Variants in SYCP2 observed in about 807,000 individuals in gnomAD.
The protein encoded by SYCP2 is synaptonemal complex lateral element protein.
SYCP2 carries 55 observed loss-of-function variants against 211.3 expected under a neutral mutation model. The observed-to-expected ratio is 0.26, with a 90% CI of 0.21 to 0.33. SYCP2 has a LOEUF of 0.33. Ranked by LOEUF, SYCP2 falls within the 10% of genes least tolerant of loss-of-function variation. The probability of loss-of-function intolerance (pLI) is 1.00; values close to 1 mark genes in which losing one functional copy is unlikely to be tolerated. For synonymous variants in SYCP2, 570 were observed against 555.2 expected (o/e 1.03, Z -0.37); for missense variants, 1,731 against 1,752.0 (o/e 0.99, Z 0.21).
At chr20:59,928,280 A>C (rs1362553267) in intron 2 of SYCP2, among the ~76,000 whole-genome samples, 1 of 152,188 alleles carries the variant, frequency 6.6e-6, no homozygotes, top group African/African-American at 2.4e-5. Context: ...TTTAATATAA[A>C]TAACTAAAAT....
intron 26 of SYCP2, among the ~76,000 whole-genome samples, chr20:59,884,495 TAGTA>T (rs781077244): frequency 2.3e-3 from 348 of 152,198 alleles, no homozygotes; most frequent in Admixed American, 3.7e-3. Context: ...CAGAAATAAT[TAGTA>T]AGTTAGAAAT....
chr20:59,921,532 C>G, intron 3 of SYCP2, 79 bp from the exon 4 acceptor site: 3 of 1,037,964 alleles, frequency 2.9e-6, no homozygotes, highest in Admixed American at 3.7e-5. Context: ...ATTTGAGAAC[C>G]GTTTTCACAT....
intron 2 of SYCP2, among the ~76,000 whole-genome samples, chr20:59,923,079 G>C (rs752963424): frequency 1.3e-5 from 2 of 151,886 alleles, no homozygotes; most frequent in Non-Finnish European, 2.9e-5. Context: ...ACAAATAACT[G>C]CCACAAATTA....
intron 15 of SYCP2, among the ~76,000 whole-genome samples, chr20:59,902,662 G>A (rs1300102989): frequency 6.6e-6 from 1 of 152,114 alleles, no homozygotes; most frequent in Non-Finnish European, 1.5e-5. Flanking sequence ...GCTATGAAAT[G>A]TCCTGATTCT....
intron 2 of SYCP2, among the ~76,000 whole-genome samples, chr20:59,926,165 T>G (rs1213740176): frequency 1.3e-5 from 2 of 152,082 alleles, no homozygotes; most frequent in Non-Finnish European, 2.9e-5. Flanking sequence ...GATGGAATTG[T>G]GCCAACTGCC....
At chr20:59,871,248 G>C (rs2059445817) in intron 35 of SYCP2, among the ~76,000 whole-genome samples, 1 of 151,904 alleles carries the variant, frequency 6.6e-6, no homozygotes, top group Non-Finnish European at 1.5e-5. Flanking sequence ...TTGATGCAAT[G>C]AGTCAGGAAA....
intron 26 of SYCP2, among the ~76,000 whole-genome samples, chr20:59,884,924 A>G (rs2059756864): frequency 6.6e-6 from 1 of 152,106 alleles, no homozygotes. Context: ...ACTCTATTGT[A>G]CAGATTCAGA....
At chr20:59,898,432 G>A (rs1406637005) in intron 18 of SYCP2, among the ~76,000 whole-genome samples, 16 of 152,278 alleles carry the variant, frequency 1.1e-4, no homozygotes, top group Admixed American at 1.0e-3. Flanking sequence ...CATGGATGAA[G>A]CTGGAAACCA....
intron 15 of SYCP2, among the ~76,000 whole-genome samples, chr20:59,906,853 C>T (rs564801661): frequency 1.5e-3 from 228 of 151,942 alleles, no homozygotes; most frequent in Middle Eastern, 3.4e-3. Context: ...AAAATATATA[C>T]TTTACAAAGG....
chr20:59,918,997 T>C (rs922643177), intron 7 of SYCP2, among the ~76,000 whole-genome samples, 161 bp downstream of exon 7: 1 of 152,084 alleles, frequency 6.6e-6, no homozygotes, highest in African/African-American at 2.4e-5. Flanking sequence ...CTACAAAGTC[T>C]AAAATATTTA....
At chr20:59,880,160 CAT>C in intron 31 of SYCP2, 141 bp downstream of exon 31, 3 of 628,432 alleles carry the variant, frequency 4.8e-6, no homozygotes, top group Non-Finnish European at 7.8e-6. Flanking sequence ...AAACAAAAAA[CAT>C]AAAAACTAGT....
chr20:59,868,544 T>C lies in SYCP2; in HGVS notation c.3857A>G (p.Lys1286Arg), dbSNP rs1476900900. ...TAGATTATCTTCTATATATATTCTTTTGCGACTAAGATGTTGGGTGGGGCC... is the reference window on the plus strand; with the variant it reads ...TAGATTATCTTCTATATATATTCTTCTGCGACTAAGATGTTGGGTGGGGCC... ...VSGPTQHLSR[K>R]RIYIEDNLSN... The change falls in exon 38 of 45, where the codon AAA (lysine) becomes AGA (arginine). Residue 1286 changes from lysine (K) to arginine (R), a missense_variant. Coordinates refer to ENST00000357552, the MANE Select transcript of SYCP2 (RefSeq NM_014258.4). The C allele has an allele frequency of 1.9e-6, 3 of 1,604,972 alleles. No individual in the cohort carries two copies. The highest frequency in any genetic ancestry group is 2.5e-6 in the Non-Finnish European group (3 of 1,177,164).
chr20:59,909,504 G>T (rs1406612398), intron 14 of SYCP2, among the ~76,000 whole-genome samples: 1 of 152,056 alleles, frequency 6.6e-6, no homozygotes, highest in African/African-American at 2.4e-5. Flanking sequence ...ATTCTCCCCA[G>T]TCTATTTTTA....
At chr20:59,889,308 T>C (rs2059858226) in intron 24 of SYCP2, among the ~76,000 whole-genome samples, 1 of 152,008 alleles carries the variant, frequency 6.6e-6, no homozygotes, top group Admixed American at 6.6e-5. Context: ...AAGATGTTAA[T>C]AATAGGGGAA....
chr20:59,889,150 G>A (rs909263425), intron 24 of SYCP2, among the ~76,000 whole-genome samples: 1 of 151,928 alleles, frequency 6.6e-6, no homozygotes, highest in Non-Finnish European at 1.5e-5. Context: ...ATACTGTAAT[G>A]GTAGATATGT....
chr20:59,883,480 G>A (rs1210277072), intron 26 of SYCP2, among the ~76,000 whole-genome samples: 1 of 152,190 alleles, frequency 6.6e-6, no homozygotes, highest in Admixed American at 6.5e-5. Context: ...AAATTGTGGT[G>A]CGTGTATATA....
At chr20:59,903,123 T>C (rs917265195) in intron 15 of SYCP2, among the ~76,000 whole-genome samples, 1 of 152,134 alleles carries the variant, frequency 6.6e-6, no homozygotes, top group Non-Finnish European at 1.5e-5. Flanking sequence ...CTACCTATGT[T>C]ATGGCTACTT....
intron 6 of SYCP2, 58 bp downstream of exon 6, chr20:59,919,435 T>A: frequency 7.7e-7 from 1 of 1,304,410 alleles, no homozygotes; most frequent in Middle Eastern, 1.8e-4. Context: ...AGAACACAAA[T>A]TGTTTTTTAA....
At chr20:59,915,905 G>C (rs907068812) in intron 8 of SYCP2, among the ~76,000 whole-genome samples, 1 of 151,966 alleles carries the variant, frequency 6.6e-6, no homozygotes, top group Non-Finnish European at 1.5e-5. Flanking sequence ...GGCAGGAGAA[G>C]CGCTTGAACC....
Sources: gnomAD v4.1 joint callset for allele counts (sites outside exome capture counted in the v4.1 genomes callset) on GRCh38, gnomAD v4.1.1 for gene constraint, MANE v1.5 for transcripts, NCBI Gene and HGNC (gene_info 2026-07-23, HGNC 2026-07-21) for gene names.